Variants in CEP112 observed in about 807,000 individuals in gnomAD.
The protein encoded by CEP112 is centrosomal protein of 112 kDa.
CEP112 carries 127 observed loss-of-function variants against 153.0 expected under a neutral mutation model. That is an observed-to-expected ratio of 0.83 (90% CI 0.72 to 0.96). The LOEUF is 0.96. Among genes scored for constraint, CEP112 ranks in the 40% least tolerant of loss-of-function variants. The pLI is 0.00. For missense variants in CEP112, 1,089 were observed against 1,101.2 expected, an observed-to-expected ratio of 0.99 and a Z score of 0.16; for synonymous variants, 358 against 374.4, an observed-to-expected ratio of 0.96 and a Z score of 0.51.
At chr17:66,149,896 T>G (rs1232058547) in intron 4 of CEP112, among the ~76,000 whole-genome samples, 5 of 106,474 alleles carry the variant, frequency 4.7e-5, no homozygotes, top group Admixed American at 3.8e-4. Flanking sequence ...TTGTTTTTTT[T>G]TTTTTTTTTT....
At chr17:66,188,588 T>TG (rs1013067692) in intron 1 of CEP112, among the ~76,000 whole-genome samples, 1 of 23,094 alleles carries the variant, frequency 4.3e-5, no homozygotes, top group Non-Finnish European at 2.1e-4. Flanking sequence ...CATGCTGTTT[T>TG]TTTTTTTTTT....
intron 12 of CEP112, among the ~76,000 whole-genome samples, chr17:66,049,426 C>T (rs955865262): frequency 6.6e-6 from 1 of 152,024 alleles, no homozygotes; most frequent in Non-Finnish European, 1.5e-5. Flanking sequence ...AACAGATGAA[C>T]TAAGAATTTT....
chr17:66,082,416 CAT>C (rs1448971909), intron 8 of CEP112, among the ~76,000 whole-genome samples: 1 of 152,160 alleles, frequency 6.6e-6, no homozygotes, highest in Non-Finnish European at 1.5e-5. Context: ...TTTCCCATAA[CAT>C]ATGAGAAATA....
At position 65,971,504 on chromosome 17, in the gene CEP112, A is replaced by G. The variant is rs533129985; in HGVS notation, c.1737-9906T>C. On this transcript the variant is annotated intron_variant, in intron 17 of 26. Coordinates refer to ENST00000535342, the MANE Select transcript of CEP112 (RefSeq NM_001199165.4). Reference sequence around the variant, plus strand: ...GTATGACATGAATGTCATACATATCACACATGCACATTACATGTGTATCAC... The same window carrying G: ...GTATGACATGAATGTCATACATATCGCACATGCACATTACATGTGTATCAC... 2.6e-5 allele frequency among the ~76,000 whole-genome samples: 4 copies of G among 151,078 alleles called. No homozygotes were observed. In the South Asian group the frequency reaches 8.4e-4, roughly 32 times the overall value.
At chr17:66,016,179 C>T (rs2064765103) in intron 16 of CEP112, among the ~76,000 whole-genome samples, 1 of 152,102 alleles carries the variant, frequency 6.6e-6, no homozygotes, top group Admixed American at 6.5e-5. Context: ...TAAACATTTT[C>T]TTCCGGAGTA....
chr17:66,129,597 C>A, intron 6 of CEP112, 149 bp downstream of exon 6: 1 of 470,280 alleles, frequency 2.1e-6, no homozygotes, highest in African/African-American at 2.0e-5. Context: ...TTATTTATTT[C>A]CTATACTTAA....
At chr17:65,837,237 G>C (rs889159276) in intron 21 of CEP112, among the ~76,000 whole-genome samples, 4 of 152,024 alleles carry the variant, frequency 2.6e-5, no homozygotes, top group Non-Finnish European at 5.9e-5. Context: ...CGTCTAGGAA[G>C]TGAGGAGCGT....
intron 18 of CEP112, among the ~76,000 whole-genome samples, chr17:65,953,634 C>T (rs1310336008): frequency 6.6e-6 from 1 of 151,110 alleles, no homozygotes; most frequent in East Asian, 2.0e-4. Flanking sequence ...GTCAGACAGG[C>T]CTTCAGGACT....
rs752043348 is a variant in CEP112 at position 66,132,708 on chromosome 17, G to A, written c.526C>T (p.His176Tyr). The stretch of plus-strand genomic sequence containing the variant: ...GTAATATTTTGTCCATCTTCTCTGT[G>A]AGTTGGACTCAAGGAGTGTGATCTC... ...RVRSHSLSPT[H>Y]REDGQNITPK... Residue 176 changes from histidine (H) to tyrosine (Y), a missense_variant, in exon 5 of 27, where the codon CAC (histidine) becomes TAC (tyrosine). His to Tyr is a moderately conservative substitution (Grantham distance 83). Coordinates refer to ENST00000535342, the MANE Select transcript of CEP112 (RefSeq NM_001199165.4). The A allele has an allele frequency of 6.2e-7, 1 of 1,613,856 alleles. No individual in the cohort carries two copies. Among genetic ancestry groups the A allele is most frequent in the African/African-American group, 1.3e-5 (1 of 75,036 alleles).
At chr17:65,757,561 A>AGTCT (rs2052362935) in intron 21 of CEP112, among the ~76,000 whole-genome samples, 1 of 152,260 alleles carries the variant, frequency 6.6e-6, no homozygotes, top group Non-Finnish European at 1.5e-5. Context: ...AAATGAGGCC[A>AGTCT]GTCTGTACAG....
intron 12 of CEP112, among the ~76,000 whole-genome samples, chr17:66,035,684 G>A (rs150586274): frequency 3.2e-4 from 48 of 152,242 alleles, no homozygotes; most frequent in African/African-American, 1.2e-3. Context: ...TGTATAAACG[G>A]CATAGCATAA....
chr17:66,126,142 A>G (rs1486727365), intron 6 of CEP112, among the ~76,000 whole-genome samples: 1 of 152,212 alleles, frequency 6.6e-6, no homozygotes, highest in East Asian at 1.9e-4. Flanking sequence ...TGCCTCACTT[A>G]TCAAAGAAAA....
At chr17:65,958,905 C>T (rs944457336) in intron 18 of CEP112, among the ~76,000 whole-genome samples, 2 of 152,162 alleles carry the variant, frequency 1.3e-5, no homozygotes. Flanking sequence ...GCACTTCCTC[C>T]CCTCTGAGGC....
intron 21 of CEP112, among the ~76,000 whole-genome samples, chr17:65,794,417 T>C (rs1159902533): frequency 6.6e-6 from 1 of 152,112 alleles, no homozygotes; most frequent in African/African-American, 2.4e-5. Context: ...CTTCTTTCCT[T>C]TCCTTCCCTC....
chr17:66,026,452 T>C (rs1357923170), intron 16 of CEP112, among the ~76,000 whole-genome samples: 1 of 61,212 alleles, frequency 1.6e-5, no homozygotes, highest in Non-Finnish European at 3.5e-5. Flanking sequence ...GTACTTTCAT[T>C]GTTTTAGGTT....
intron 17 of CEP112, among the ~76,000 whole-genome samples, chr17:65,962,095 GGGTCTGAGA>G (rs1288175764): frequency 2.0e-5 from 3 of 152,178 alleles, no homozygotes; most frequent in Non-Finnish European, 4.4e-5. Context: ...GTAGTTGCTA[GGGTCTGAGA>G]GGCTGGGGAA....
At chr17:65,928,036 A>T (rs1193519756) in intron 18 of CEP112, among the ~76,000 whole-genome samples, 2 of 152,202 alleles carry the variant, frequency 1.3e-5, no homozygotes. Context: ...ATCTCTAATA[A>T]GAGACATATC....
Position 65,920,294 on chromosome 17 carries a change from C to T in CEP112, c.1980+7288G>A, listed in dbSNP as rs1032596064. Among the ~76,000 whole-genome samples the T allele has an allele frequency of 6.4e-5, 9 of 141,220 alleles. No homozygotes were observed. The East Asian group carries it at 1.1e-3, about 17-fold the overall frequency. 92.6% of individuals were successfully genotyped at this position (141,220 alleles called of 152,430 possible). The stretch of plus-strand genomic sequence containing the variant: ...GTGGGTGGCAGAGGTTGCAGTGAGC[C>T]GAGATTGCACCACTGGCACTCCAGC... On this transcript the variant is annotated intron_variant, in intron 19 of 26. Transcript: ENST00000535342.
chr17:65,958,475 A>G (rs1022882888), intron 18 of CEP112, among the ~76,000 whole-genome samples: 6 of 131,220 alleles, frequency 4.6e-5, no homozygotes, highest in African/African-American at 1.6e-4. Flanking sequence ...CTGCTGCCCT[A>G]GCTGGCTCAG....
Sources: allele counts gnomAD v4.1 joint callset (sites outside exome capture counted in the v4.1 genomes callset), GRCh38; gene constraint gnomAD v4.1.1; transcripts MANE v1.5; gene names NCBI Gene and HGNC (gene_info 2026-07-23, HGNC 2026-07-21).